The following PDE4D variants were observed in gnomAD, a reference collection of about 807,000 sequenced individuals.
PDE4D encodes the protein 3',5'-cyclic-AMP phosphodiesterase 4D.
PDE4D carries 24 observed loss-of-function variants against 87.4 expected under a neutral mutation model. The ratio of observed to expected loss-of-function variants is 0.27; its 90% CI spans 0.20 to 0.39. The LOEUF (loss-of-function observed/expected upper bound fraction) is 0.39, where lower values mean the gene tolerates loss of function less well. Among genes scored for constraint, PDE4D ranks in the 10% least tolerant of loss-of-function variants. PDE4D has a pLI of 1.00. For missense variants in PDE4D, 714 were observed against 1,041.0 expected (o/e 0.69, Z 4.32); for synonymous variants, 384 against 383.2 (o/e 1.00, Z -0.02).
intron 3 of PDE4D, among the ~76,000 whole-genome samples, chr5:59,947,736 C>T (rs1215525282): frequency 1.3e-5 from 2 of 152,148 alleles, no homozygotes; most frequent in African/African-American, 2.4e-5. Flanking sequence ...GGGCCAGGCA[C>T]GGTGGCCCAT....
At chr5:59,885,053 C>T (rs1318131115) in intron 1 of PDE4D, among the ~76,000 whole-genome samples, 1 of 151,696 alleles carries the variant, frequency 6.6e-6, no homozygotes, top group Non-Finnish European at 1.5e-5. Context: ...TTTCCATAAA[C>T]CATTAAACAA....
chr5:60,029,985 T>C (rs1767053034), intron 2 of PDE4D, among the ~76,000 whole-genome samples: 1 of 152,202 alleles, frequency 6.6e-6, no homozygotes, highest in South Asian at 2.1e-4. Context: ...CCCAGGTATA[T>C]ACACCAGTGA....
At chr5:59,867,022 A>G (rs979270427) in intron 1 of PDE4D, among the ~76,000 whole-genome samples, 3 of 152,170 alleles carry the variant, frequency 2.0e-5, no homozygotes, top group African/African-American at 7.2e-5. Flanking sequence ...TAGAAAGTAA[A>G]AGCTGTTTCC....
chr5:59,281,171 G>A (rs75456595), intron 1 of PDE4D, among the ~76,000 whole-genome samples: 4,139 of 152,168 alleles, frequency 0.027, 209 homozygotes, highest in African/African-American at 0.094. Context: ...ATCTTCCAAA[G>A]TATGTTTTGG....
intron 1 of PDE4D, among the ~76,000 whole-genome samples, chr5:59,725,086 C>T (rs1429588503): frequency 6.6e-6 from 1 of 151,972 alleles, no homozygotes; most frequent in East Asian, 1.9e-4. Context: ...AGATTCTTTC[C>T]TCTTCTCCCT....
intron 5 of PDE4D, among the ~76,000 whole-genome samples, chr5:59,071,559 A>AT: frequency 7.6e-6 from 1 of 132,272 alleles, no homozygotes; most frequent in East Asian, 2.4e-4. Context: ...TTTTTTTTCC[A>AT]TAGCATCTGC....
chr5:59,717,968 GT>G (rs1021703759), intron 1 of PDE4D, among the ~76,000 whole-genome samples: 3 of 152,164 alleles, frequency 2.0e-5, no homozygotes, highest in Non-Finnish European at 4.4e-5. Context: ...TGAATATGCT[GT>G]AAAATTGCAA....
intron 1 of PDE4D, among the ~76,000 whole-genome samples, chr5:59,673,585 G>A (rs190536830): frequency 6.6e-6 from 1 of 152,250 alleles, no homozygotes; most frequent in Admixed American, 6.5e-5. Flanking sequence ...GAAATACTCA[G>A]AACTGCACTT....
rs559436814 is a variant in PDE4D at position 59,162,746 on chromosome 5, A to G, written c.808+17849T>C. 7.3e-3 allele frequency among the ~76,000 whole-genome samples: 1,104 copies of G among 151,024 alleles called. 9 individuals are homozygous for G. The highest frequency in any genetic ancestry group is 0.012 in the Non-Finnish European group (793 of 67,764). On this transcript the variant is annotated intron_variant, in intron 5 of 14. Transcript: ENST00000340635. ...GCTATGTGCCTGTAGTCCCAGGTAG[A>G]CAGGAGGATGAGGTGGGAGGATTGC...
intron 1 of PDE4D, among the ~76,000 whole-genome samples, chr5:60,415,992 G>A (rs1742502574): frequency 6.6e-6 from 1 of 152,146 alleles, no homozygotes; most frequent in Non-Finnish European, 1.5e-5. Context: ...AGCACCCTGT[G>A]TCTATCTCAG....
intron 1 of PDE4D, among the ~76,000 whole-genome samples, chr5:59,709,152 C>A (rs1276383180): frequency 6.6e-6 from 1 of 152,116 alleles, no homozygotes; most frequent in Non-Finnish European, 1.5e-5. Flanking sequence ...AAGCTAGAGA[C>A]TGAACCAGGA....
At chr5:59,882,869 C>G (rs1227951290) in intron 1 of PDE4D, among the ~76,000 whole-genome samples, 1 of 151,922 alleles carries the variant, frequency 6.6e-6, no homozygotes, top group Non-Finnish European at 1.5e-5. Flanking sequence ...TCTCTGCCTC[C>G]CAGGGTCAAG....
chr5:59,574,143 TAA>T (rs1561242368), intron 1 of PDE4D, among the ~76,000 whole-genome samples: 170 of 5,812 alleles, frequency 0.029, 7 homozygotes, highest in Admixed American at 0.051. Flanking sequence ...TATATATATA[TAA>T]ATATATATTT....
At chr5:60,070,101 A>C (rs534551512) in intron 2 of PDE4D, among the ~76,000 whole-genome samples, 2 of 152,112 alleles carry the variant, frequency 1.3e-5, no homozygotes, top group African/African-American at 4.8e-5. Flanking sequence ...AGTTTTCTCT[A>C]TATATAGGAT....
intron 1 of PDE4D, among the ~76,000 whole-genome samples, chr5:59,419,940 G>A (rs1794211694): frequency 6.6e-6 from 1 of 152,142 alleles, no homozygotes; most frequent in Non-Finnish European, 1.5e-5. Context: ...GAACTGAGAT[G>A]GGAAGAGTGG....
intron 2 of PDE4D, among the ~76,000 whole-genome samples, chr5:60,173,714 T>C (rs1783675488): frequency 6.6e-6 from 1 of 152,136 alleles, no homozygotes; most frequent in African/African-American, 2.4e-5. Context: ...CAGAAACAGC[T>C]AATGGAGCAA....
At chr5:59,442,869 A>AT (rs1293409963) in intron 1 of PDE4D, among the ~76,000 whole-genome samples, 1 of 152,210 alleles carries the variant, frequency 6.6e-6, no homozygotes, top group Non-Finnish European at 1.5e-5. Flanking sequence ...ATATCACCGA[A>AT]TTAGTTGTTG....
chr5:59,524,438 C>G (rs1812730553), intron 1 of PDE4D, among the ~76,000 whole-genome samples: 1 of 152,156 alleles, frequency 6.6e-6, no homozygotes, highest in African/African-American at 2.4e-5. Flanking sequence ...CCGTAGAGAT[C>G]TGTGGAACTG....
At chr5:59,956,972 C>T (rs1267387368) in intron 3 of PDE4D, among the ~76,000 whole-genome samples, 1 of 152,220 alleles carries the variant, frequency 6.6e-6, no homozygotes, top group South Asian at 2.1e-4. Context: ...ATTTACATAA[C>T]ATAAATATAT....
Sources: allele counts gnomAD v4.1 joint callset (sites outside exome capture counted in the v4.1 genomes callset), GRCh38; gene constraint gnomAD v4.1.1; transcripts MANE v1.5; gene names NCBI Gene and HGNC (gene_info 2026-07-23, HGNC 2026-07-21).